The following KHDRBS2 variants were observed in gnomAD, a reference collection of about 807,000 sequenced individuals.
The protein encoded by KHDRBS2 is KH domain-containing, RNA-binding, signal transduction-associated protein 2.
In KHDRBS2, 26 loss-of-function variants were observed where a neutral mutation model predicts 44.3. The observed-to-expected ratio is 0.59, with a 90% CI of 0.43 to 0.81. The LOEUF (loss-of-function observed/expected upper bound fraction) is 0.81, where lower values mean the gene tolerates loss of function less well. KHDRBS2 is among the 40% of genes least tolerant of loss of function. The probability of loss-of-function intolerance (pLI) is 0.00; values close to 1 mark genes in which losing one functional copy is unlikely to be tolerated. For synonymous variants in KHDRBS2, 194 were observed against 151.1 expected, an observed-to-expected ratio of 1.28 and a Z score of -2.08; for missense variants, 476 against 433.1, an observed-to-expected ratio of 1.10 and a Z score of -0.88.
intron 2 of KHDRBS2, among the ~76,000 whole-genome samples, chr6:62,107,946 A>C (rs1210490531): frequency 6.6e-6 from 1 of 152,154 alleles, no homozygotes; most frequent in Non-Finnish European, 1.5e-5. Context: ...AATTAATTCA[A>C]GATGGATTAA....
intron 2 of KHDRBS2, among the ~76,000 whole-genome samples, chr6:62,086,835 T>C (rs987945359): frequency 6.6e-6 from 1 of 151,644 alleles, no homozygotes; most frequent in Non-Finnish European, 1.5e-5. Flanking sequence ...TAAAGAGCAA[T>C]GCAGCCACTA....
the KHDRBS2 span, among the ~76,000 whole-genome samples, chr6:61,633,625 A>G: frequency 6.6e-6 from 1 of 152,110 alleles, no homozygotes; most frequent in South Asian, 2.1e-4. Context: ...TCAACTCCTT[A>G]AAAATGGGGA....
intron 1 of KHDRBS2, among the ~76,000 whole-genome samples, chr6:62,246,107 T>TATATA (rs1245517319): frequency 4.3e-5 from 3 of 69,556 alleles, no homozygotes; most frequent in African/African-American, 2.4e-4. Context: ...CAATTTTATA[T>TATATA]ATATATATAT....
At chr6:61,992,095 A>G (rs1303032151) in intron 3 of KHDRBS2, among the ~76,000 whole-genome samples, 5 of 152,202 alleles carry the variant, frequency 3.3e-5, no homozygotes, top group Admixed American at 6.5e-5. Context: ...CATGTACTCA[A>G]AGTCAATAAA....
At chr6:61,965,408 T>C (rs1769698389) in intron 4 of KHDRBS2, among the ~76,000 whole-genome samples, 1 of 152,104 alleles carries the variant, frequency 6.6e-6, no homozygotes, top group Admixed American at 6.6e-5. Flanking sequence ...ATTTACCAGA[T>C]GACAAAAGTC....
chr6:61,549,083 C>T, the KHDRBS2 span, among the ~76,000 whole-genome samples: 281 of 152,082 alleles, frequency 1.8e-3, no homozygotes, highest in Non-Finnish European at 2.6e-3. Context: ...ACGTGAAATA[C>T]GGTGAATAAT....
At chr6:61,632,326 A>G in the KHDRBS2 span, among the ~76,000 whole-genome samples, 5 of 152,144 alleles carry the variant, frequency 3.3e-5, no homozygotes, top group African/African-American at 4.8e-5. Context: ...ATCATGATAA[A>G]TATCAGTGCA....
chr6:62,252,844 G>A (rs1299343597), intron 1 of KHDRBS2, among the ~76,000 whole-genome samples: 1 of 151,830 alleles, frequency 6.6e-6, no homozygotes, highest in Admixed American at 6.6e-5. Flanking sequence ...TTGATAATTT[G>A]AATCTGAATC....
chr6:62,040,478 C>T (rs769821658), intron 3 of KHDRBS2, among the ~76,000 whole-genome samples: 83 of 151,798 alleles, frequency 5.5e-4, no homozygotes, highest in Non-Finnish European at 1.1e-3. Context: ...GGTAGTGTAC[C>T]ATGAATACAG....
chr6:61,869,964 G>GTTTTT (rs59518436), intron 6 of KHDRBS2, among the ~76,000 whole-genome samples: 6 of 109,020 alleles, frequency 5.5e-5, no homozygotes, highest in African/African-American at 1.5e-4. Context: ...CTGCAGGAGT[G>GTTTTT]TTTTTTTTTT....
chr6:62,191,347 CTGA>C (rs1438246486), intron 1 of KHDRBS2, among the ~76,000 whole-genome samples: 1 of 152,116 alleles, frequency 6.6e-6, no homozygotes, highest in African/African-American at 2.4e-5. Flanking sequence ...TAGGCTTTTG[CTGA>C]TGATCTTCCC....
intron 4 of KHDRBS2, among the ~76,000 whole-genome samples, chr6:61,951,837 T>C (rs900350627): frequency 6.6e-6 from 1 of 151,342 alleles, no homozygotes; most frequent in African/African-American, 2.4e-5. Context: ...CTTGTTGAGA[T>C]TTTTTTTTAG....
At chr6:61,954,965 T>C (rs1216390613) in intron 4 of KHDRBS2, among the ~76,000 whole-genome samples, 1 of 137,604 alleles carries the variant, frequency 7.3e-6, no homozygotes, top group Non-Finnish European at 1.6e-5. Flanking sequence ...TATGTATATA[T>C]ACGCATACAT....
At chr6:62,161,457 GT>G (rs1406027567) in intron 2 of KHDRBS2, among the ~76,000 whole-genome samples, 1 of 150,050 alleles carries the variant, frequency 6.7e-6, no homozygotes, top group East Asian at 2.0e-4. Context: ...CATGGGATAA[GT>G]TATTATGAGT....
chr6:61,897,034 G>A (rs547826485), intron 5 of KHDRBS2, among the ~76,000 whole-genome samples: 3 of 151,974 alleles, frequency 2.0e-5, no homozygotes, highest in African/African-American at 2.4e-5. Context: ...TTCTATCCTC[G>A]ATCTCATGGT....
At chr6:61,608,853 G>A in the KHDRBS2 span, among the ~76,000 whole-genome samples, 1 of 152,120 alleles carries the variant, frequency 6.6e-6, no homozygotes, top group African/African-American at 2.4e-5. Context: ...GAGCATTTGG[G>A]TTGGTTCCAA....
chr6:61,604,618 A>G, the KHDRBS2 span, among the ~76,000 whole-genome samples: 1 of 152,176 alleles, frequency 6.6e-6, no homozygotes, highest in East Asian at 1.9e-4. Context: ...TCCTCAAGGA[A>G]ATCACTTCTC....
the KHDRBS2 span, among the ~76,000 whole-genome samples, chr6:61,590,875 T>C: frequency 6.6e-6 from 1 of 152,228 alleles, no homozygotes; most frequent in Non-Finnish European, 1.5e-5. Flanking sequence ...AACTTAATTC[T>C]GTTCATAGTC....
At chr6:62,085,241 G>T (rs1798171783) in intron 2 of KHDRBS2, among the ~76,000 whole-genome samples, 1 of 152,074 alleles carries the variant, frequency 6.6e-6, no homozygotes, top group Non-Finnish European at 1.5e-5. Flanking sequence ...GAAACTGTTG[G>T]CAAGGTTAGA....
Sources: allele counts gnomAD v4.1 joint callset (sites outside exome capture counted in the v4.1 genomes callset), GRCh38; gene constraint gnomAD v4.1.1; transcripts MANE v1.5; gene names NCBI Gene and HGNC (gene_info 2026-07-23, HGNC 2026-07-21).